Variants in GPRC5B observed in about 807,000 individuals in gnomAD.
The protein encoded by GPRC5B is G protein-coupled receptor class C group 5 member B.
Under a neutral mutation model 30.1 loss-of-function variants are expected in GPRC5B, and 16 were observed. That is an observed-to-expected ratio of 0.53 (90% CI 0.36 to 0.81). The LOEUF (loss-of-function observed/expected upper bound fraction) is 0.81. GPRC5B is among the 30% of genes least tolerant of loss of function. GPRC5B has a pLI of 0.01. For synonymous variants in GPRC5B, 241 were observed against 239.5 expected, an observed-to-expected ratio of 1.01 and a Z score of -0.06; for missense variants, 428 against 544.7, an observed-to-expected ratio of 0.79 and a Z score of 2.13.
At chr16:19,875,888 C>G (rs546725407) in intron 1 of GPRC5B, among the ~76,000 whole-genome samples, 50 of 152,340 alleles carry the variant, frequency 3.3e-4, no homozygotes, top group African/African-American at 1.1e-3. Context: ...ATCATCCTAG[C>G]ACAATTGCTT....
At chr16:19,876,752 T>C (rs534392601) in intron 1 of GPRC5B, among the ~76,000 whole-genome samples, 2 of 152,364 alleles carry the variant, frequency 1.3e-5, no homozygotes, top group Non-Finnish European at 2.9e-5. Flanking sequence ...AGATACACTC[T>C]TGCTTTCTGT....
At chr16:19,863,881 A>T (rs2056646683) in intron 2 of GPRC5B, among the ~76,000 whole-genome samples, 1 of 152,208 alleles carries the variant, frequency 6.6e-6, no homozygotes, top group South Asian at 2.1e-4. Context: ...TCTTATGAGA[A>T]TCTAATGCTT....
intron 2 of GPRC5B, 159 bp from the exon 3 acceptor site, chr16:19,862,132 G>A (rs1039694981): frequency 6.3e-6 from 4 of 637,002 alleles, no homozygotes; most frequent in Non-Finnish European, 5.4e-6. Flanking sequence ...AAGTCACAAA[G>A]GGGCTTTGTT....
At chr16:19,884,666 C>T in intron 1 of GPRC5B, 61 bp downstream of exon 1, 3 of 981,230 alleles carry the variant, frequency 3.1e-6, no homozygotes, top group Non-Finnish European at 3.6e-6. Flanking sequence ...AAATCCACGG[C>T]GGGAAAAGTT....
intron 1 of GPRC5B, among the ~76,000 whole-genome samples, chr16:19,873,464 CAA>C (rs1224351499): frequency 2.2e-4 from 12 of 55,716 alleles, no homozygotes; most frequent in Admixed American, 6.2e-4. Context: ...ACTCCGTCTC[CAA>C]AAAAAAAAAA....
At chr16:19,871,421 A>C (rs1567209400) in intron 2 of GPRC5B, among the ~76,000 whole-genome samples, 1 of 152,206 alleles carries the variant, frequency 6.6e-6, no homozygotes, top group Admixed American at 6.5e-5. Context: ...CAGGAGTTCA[A>C]GACCAAGCTG....
chr16:19,884,881 C>A, upstream of GPRC5B: 5 of 980,398 alleles, frequency 5.1e-6, no homozygotes, highest in South Asian at 4.6e-5. Context: ...CGAGGCGCCC[C>A]CTGGCCCGGC....
chr16:19,874,549 T>C (rs2056746628), intron 1 of GPRC5B, among the ~76,000 whole-genome samples: 1 of 152,190 alleles, frequency 6.6e-6, no homozygotes, highest in Non-Finnish European at 1.5e-5. Flanking sequence ...GCTCCTTCAG[T>C]CTTGGCACGA....
At chr16:19,884,360 C>T (rs911645727) in intron 1 of GPRC5B, among the ~76,000 whole-genome samples, 18 of 151,398 alleles carry the variant, frequency 1.2e-4, no homozygotes, top group African/African-American at 4.1e-4. Context: ...GCTCCTCACA[C>T]ATGACGAGTC....
In GPRC5B at chr16:19,872,588, C is replaced by G. The variant is rs779754829; in HGVS notation, c.258G>C (p.Glu86Asp). 1.2e-6 allele frequency: 2 copies of G among 1,614,152 alleles called. No homozygotes were observed. The highest frequency in any genetic ancestry group is 8.5e-7 in the Non-Finnish European group (1 of 1,179,988). ...GGCCCACAGGGCTCTTCTTCTCCTTCTCCTTGATGAAGGGCAGCCGCACCA... is the reference window on the plus strand; with the variant it reads ...GGCCCACAGGGCTCTTCTTCTCCTTGTCCTTGATGAAGGGCAGCCGCACCA... ...ILLVRLPFIK[E>D]KEKKSPVGLH... Residue 86 changes from glutamate (E) to aspartate (D), a missense_variant, in exon 2 of 4, where the codon GAG (glutamate) becomes GAC (aspartate). Physicochemically the swap from Glu to Asp is conservative, Grantham distance 45 (BLOSUM62 2). Around this residue, in one of 3 missense-constraint regions of GPRC5B, gnomAD observed 196 missense variants for 272.6 expected, o/e 0.72. Coordinates refer to ENST00000300571, the MANE Select transcript of GPRC5B (RefSeq NM_016235.3). This position sits in a 1 kb window ranked among gnomAD's most constrained non-coding sequence, Gnocchi z 5.0.
chr16:19,872,129 T>G lies in GPRC5B; in HGVS notation c.717A>C (p.Thr239=). 1 of 1,614,022 alleles carries G rather than the reference T, an allele frequency of 6.2e-7. No individual in the cohort carries two copies. Among genetic ancestry groups the G allele is most frequent in the Non-Finnish European group, 8.5e-7 (1 of 1,179,982 alleles). The change falls in exon 2 of 4, where the codon ACA becomes ACC. Residue 239 remains threonine (T), a synonymous_variant. Transcript: ENST00000300571. The surrounding 1 kb of genome is among the most constrained non-coding windows in gnomAD (Gnocchi z 5.0). The part of the protein sequence containing the change: ...WKLNGAFLLI[T]AFLSVLIWVA... ...CCCAGATGAGCACAGAGAGGAAGGC[T>G]GTGATGAGGAGGAAGGCCCCGTTCA...
intron 2 of GPRC5B, among the ~76,000 whole-genome samples, chr16:19,864,154 A>G (rs1177246315): frequency 2.6e-5 from 4 of 152,208 alleles, no homozygotes; most frequent in African/African-American, 9.6e-5. Context: ...CTTAGGAATC[A>G]AAGCTCAAAT....
chr16:19,880,003 G>A (rs1346835834), intron 1 of GPRC5B, among the ~76,000 whole-genome samples: 1 of 151,316 alleles, frequency 6.6e-6, no homozygotes, highest in Non-Finnish European at 1.5e-5. Context: ...GTGTGGTGGT[G>A]TGTGCCTGTA....
chr16:19,882,250 G>T (rs1244199413), intron 1 of GPRC5B: 1 of 152,178 alleles, frequency 6.6e-6, no homozygotes, highest in Non-Finnish European at 1.5e-5. Context: ...AGTAAACAGG[G>T]TTGCAAGAAC....
intron 1 of GPRC5B, among the ~76,000 whole-genome samples, chr16:19,879,157 G>A (rs1473332156): frequency 6.6e-6 from 1 of 152,114 alleles, no homozygotes; most frequent in African/African-American, 2.4e-5. Flanking sequence ...GAGCTGGGCA[G>A]CTCTCCAGGA....
Position 19,860,340 on chromosome 16 carries a change from T to C in GPRC5B, c.*160A>G. The C allele has an allele frequency of 1.6e-6, 1 of 607,160 alleles. No individual in the cohort carries two copies. Among genetic ancestry groups the C allele is most frequent in the Non-Finnish European group, 2.9e-6 (1 of 339,454 alleles). 37.6% of individuals were successfully genotyped at this position (607,160 alleles called of 1,614,324 possible). A position where few individuals can be genotyped will look rare whatever the true frequency, so the allele number is the denominator to read the frequency against. On this transcript the variant is annotated 3_prime_UTR_variant, in exon 4 of 4. Transcript: ENST00000300571. ...CGGTGTTAGCTTTTCAGTTCGTCAGTGTTCACATTTACACGAAATCCCCTT... is the reference window on the plus strand; with the variant it reads ...CGGTGTTAGCTTTTCAGTTCGTCAGCGTTCACATTTACACGAAATCCCCTT...
In GPRC5B at chr16:19,858,908, C is replaced by G. The variant is rs931246064; in HGVS notation, c.*1592G>C. On this transcript the variant is annotated 3_prime_UTR_variant, in exon 4 of 4. Coordinates refer to ENST00000300571, the MANE Select transcript of GPRC5B (RefSeq NM_016235.3). ...GGTCACACAGGGAGGGCCAGATTGGCCTTACTTTCCCCAGTGCTTTGCAAG... is the reference window on the plus strand; with the variant it reads ...GGTCACACAGGGAGGGCCAGATTGGGCTTACTTTCCCCAGTGCTTTGCAAG... 4 of 198,344 alleles carry G rather than the reference C, an allele frequency of 2.0e-5. No homozygotes were observed. In the Admixed American group the frequency reaches 2.4e-4, roughly 12 times the overall value. The allele number at this position is 198,344 out of a possible 1,614,324, so 12.3% of individuals were successfully genotyped here.
At chr16:19,871,297 A>AAAG (rs1555458491) in intron 2 of GPRC5B, among the ~76,000 whole-genome samples, 4 of 150,402 alleles carry the variant, frequency 2.7e-5, no homozygotes, top group South Asian at 4.2e-4. Context: ...AAAAAAAAAA[A>AAAG]AAAGAAAGAA....
At chr16:19,862,134 G>A in intron 2 of GPRC5B, 161 bp from the exon 3 acceptor site, 1 of 631,778 alleles carries the variant, frequency 1.6e-6, no homozygotes, top group East Asian at 2.8e-5. Flanking sequence ...GTCACAAAGG[G>A]GCTTTGTTCT....
Sources: gnomAD v4.1 joint callset for allele counts (sites outside exome capture counted in the v4.1 genomes callset) on GRCh38, gnomAD v4.1.1 for gene constraint, gnomAD v4.1.1 regional missense constraint, Gnocchi (gnomAD v3.1) non-coding constraint, MANE v1.5 for transcripts, NCBI Gene and HGNC (gene_info 2026-07-23, HGNC 2026-07-21) for gene names.